LYZL2: variants seen among roughly 807,000 people sequenced by gnomAD.
LYZL2 encodes lysozyme-like protein 2.
In LYZL2, 13 loss-of-function variants were observed where a neutral mutation model predicts 17.1. That is an observed-to-expected ratio of 0.76 (90% CI 0.49 to 1.21). The LOEUF is 1.21. Among genes scored for constraint, LYZL2 ranks in the 50% most tolerant of loss-of-function variants. The pLI is 0.00. For missense variants in LYZL2, 166 were observed against 189.2 expected (o/e 0.88, Z 0.72); for synonymous variants, 63 against 74.4 (o/e 0.85, Z 0.79).
Position 30,621,839 on chromosome 10 carries a change from TA to T in LYZL2, c.298+4265del, listed in dbSNP as rs145888811. ...AAGGAATGAAGAGTATTGGAAATAA[TA>T]ATGTGTAATAGATACTATAAAACTT... is the stretch of plus-strand genomic sequence containing the variant. On this transcript the variant is annotated intron_variant, in intron 3 of 4. Transcript: ENST00000647634. Among the ~76,000 whole-genome samples the T allele has an allele frequency of 4.6e-3, 708 of 152,284 alleles. 4 individuals carry two copies. The highest frequency in any genetic ancestry group is 0.016 in the African/African-American group (659 of 41,544).
intron 2 of LYZL2, 41 bp from the exon 3 acceptor site, chr10:30,626,304 C>T (rs1371424633): frequency 1.2e-6 from 2 of 1,608,086 alleles, no homozygotes; most frequent in Non-Finnish European, 1.7e-6. Flanking sequence ...AAGGAGGTGC[C>T]ATCTTTTGCT....
downstream of LYZL2, among the ~76,000 whole-genome samples, chr10:30,608,988 C>T (rs1838403790): frequency 6.6e-6 from 1 of 152,180 alleles, no homozygotes; most frequent in East Asian, 1.9e-4. Flanking sequence ...TACAGGTGTG[C>T]ACCACCACAC....
chr10:30,613,236 C>A (rs1838474020), intron 3 of LYZL2, among the ~76,000 whole-genome samples: 1 of 152,174 alleles, frequency 6.6e-6, no homozygotes, highest in South Asian at 2.1e-4. Context: ...TGGTGGCTGA[C>A]CTGCAATCCC....
intron 1 of LYZL2, among the ~76,000 whole-genome samples, chr10:30,628,276 T>C (rs1308945814): frequency 2.0e-5 from 3 of 152,226 alleles, no homozygotes; most frequent in Admixed American, 1.3e-4. Context: ...TCCAAAGTAC[T>C]AGTGTTTTAT....
At chr10:30,627,436 C>A (rs7079727) in intron 1 of LYZL2, among the ~76,000 whole-genome samples, 100,799 of 146,482 alleles carry the variant, frequency 0.69, 34,589 homozygotes, top group African/African-American at 0.82. Flanking sequence ...GTGTGAAGAC[C>A]ACCAGGATGA....
chr10:30,626,742 A>G, intron 2 of LYZL2, 35 bp downstream of exon 2: 1 of 1,613,392 alleles, frequency 6.2e-7, no homozygotes, highest in Non-Finnish European at 8.5e-7. Context: ...GGAAAGGTCA[A>G]GGACAGAAAG....
chr10:30,612,156 C>A, intron 4 of LYZL2, 132 bp from the exon 5 acceptor site: 1 of 1,086,532 alleles, frequency 9.2e-7, no homozygotes, highest in South Asian at 1.5e-5. Context: ...CTTCTGAGAT[C>A]AAAGGACGCT....
In LYZL2 at chr10:30,629,636, C is replaced by G. The variant is rs757973405; in HGVS notation, c.-69G>C. On this transcript the variant is annotated 5_prime_UTR_variant, in exon 1 of 5. Coordinates refer to ENST00000647634, the MANE Select transcript of LYZL2 (RefSeq NM_183058.3). ...GTGCCTGCCGCAGAGGCTGACTTCTCAGTTGAGTCTGCGGAAGAAACACTG... is the reference window on the plus strand; with the variant it reads ...GTGCCTGCCGCAGAGGCTGACTTCTGAGTTGAGTCTGCGGAAGAAACACTG... 6.2e-7 allele frequency: 1 copy of G among 1,614,236 alleles called. No individual in the cohort carries two copies. Among genetic ancestry groups the G allele is most frequent in the Non-Finnish European group, 8.5e-7 (1 of 1,180,028 alleles).
In LYZL2 at chr10:30,628,505, T is replaced by C. The variant is rs1838756233; in HGVS notation, c.-26+1088A>G. Among the ~76,000 whole-genome samples, 3 of 152,212 alleles carry C rather than the reference T, an allele frequency of 2.0e-5. No homozygotes were observed. The South Asian group carries it at 6.2e-4, about 32-fold the overall frequency. ...AGCGCTGTCTCCTGCTGCCTACTGA[T>C]TTTCCACAATCTCCTCCCCTCTTAA... is the stretch of plus-strand genomic sequence containing the variant. On this transcript the variant is annotated intron_variant, in intron 1 of 4. Transcript: ENST00000647634.
At chr10:30,619,385 T>G (rs1261133741) in intron 3 of LYZL2, among the ~76,000 whole-genome samples, 1 of 152,210 alleles carries the variant, frequency 6.6e-6, no homozygotes, top group Non-Finnish European at 1.5e-5. Flanking sequence ...CACGTATGTT[T>G]ATTGCAGCAC....
intron 3 of LYZL2, among the ~76,000 whole-genome samples, chr10:30,618,858 A>G (rs1478225496): frequency 4.6e-5 from 7 of 151,246 alleles, no homozygotes; most frequent in East Asian, 1.9e-4. Flanking sequence ...CTTCTGCACA[A>G]CAAAAGAAAC....
chr10:30,610,344 G>A (rs1838418069), downstream of LYZL2, among the ~76,000 whole-genome samples: 1 of 151,690 alleles, frequency 6.6e-6, no homozygotes, highest in African/African-American at 2.4e-5. Flanking sequence ...AGCTTCAATT[G>A]AAAAAAAATG....
chr10:30,620,275 C>T (rs1379692548), intron 3 of LYZL2, among the ~76,000 whole-genome samples: 3 of 152,166 alleles, frequency 2.0e-5, no homozygotes, highest in Admixed American at 2.0e-4. Flanking sequence ...GTAAGTGCAC[C>T]AAGAGGATCG....
intron 1 of LYZL2, among the ~76,000 whole-genome samples, chr10:30,627,244 C>T (rs577932217): frequency 5.3e-5 from 8 of 152,228 alleles, no homozygotes; most frequent in Non-Finnish European, 7.4e-5. Flanking sequence ...TTTAGGATTT[C>T]TATTTTAATT....
chr10:30,617,499 A>G (rs970278076), intron 3 of LYZL2, among the ~76,000 whole-genome samples: 1 of 151,898 alleles, frequency 6.6e-6, no homozygotes, highest in Non-Finnish European at 1.5e-5. Flanking sequence ...AACATGGCAA[A>G]ACCTGTCTCT....
At chr10:30,619,512 T>C (rs1256971403) in intron 3 of LYZL2, among the ~76,000 whole-genome samples, 1 of 151,858 alleles carries the variant, frequency 6.6e-6, no homozygotes, top group Non-Finnish European at 1.5e-5. Context: ...AAAGGATGAG[T>C]TCATGTCCTT....
intron 3 of LYZL2, among the ~76,000 whole-genome samples, chr10:30,618,757 T>C (rs1194026330): frequency 2.0e-5 from 3 of 152,198 alleles, no homozygotes; most frequent in Non-Finnish European, 4.4e-5. Flanking sequence ...ATTCAGGACA[T>C]AGGCATGGGC....
chr10:30,613,003 G>C lies in LYZL2; in HGVS notation c.299-103C>G, dbSNP rs1838469489. ...TTCTCAGTCTTTTTGGGATGGGAAGGTTGGAAGAACTATAATTTTCCCTGC... is the reference window on the plus strand; with the variant it reads ...TTCTCAGTCTTTTTGGGATGGGAAGCTTGGAAGAACTATAATTTTCCCTGC... On this transcript the variant is annotated intron_variant, in intron 3 of 4. Coordinates refer to ENST00000647634, the MANE Select transcript of LYZL2 (RefSeq NM_183058.3). 5 of 828,636 alleles carry C rather than the reference G, an allele frequency of 6.0e-6. No homozygotes were observed. In the South Asian group the frequency reaches 8.0e-5, roughly 13 times the overall value. The allele number at this position is 828,636 out of a possible 1,614,324, so 51.3% of individuals were successfully genotyped here. A position where few individuals can be genotyped will look rare whatever the true frequency, so the allele number is the denominator to read the frequency against.
chr10:30,627,381 A>T (rs547074047), intron 1 of LYZL2, among the ~76,000 whole-genome samples: 202 of 152,006 alleles, frequency 1.3e-3, no homozygotes, highest in African/African-American at 4.3e-3. Flanking sequence ...ACCCCGAGAC[A>T]GCAAGACCAA....
Sources: allele counts gnomAD v4.1 joint callset (sites outside exome capture counted in the v4.1 genomes callset), GRCh38; gene constraint gnomAD v4.1.1; transcripts MANE v1.5; gene names NCBI Gene and HGNC (gene_info 2026-07-23, HGNC 2026-07-21).